Variants in BAZ2B observed in about 807,000 individuals in gnomAD.
The protein encoded by BAZ2B is bromodomain adjacent to zinc finger domain 2B, also known as bromodomain adjacent to zinc finger domain protein 2B.
Under a neutral mutation model 246.0 loss-of-function variants are expected in BAZ2B, and 91 were observed. The ratio of observed to expected loss-of-function variants is 0.37; its 90% CI spans 0.31 to 0.44. The LOEUF (loss-of-function observed/expected upper bound fraction) is 0.44. Among genes scored for constraint, BAZ2B ranks in the 20% least tolerant of loss-of-function variants. The probability of loss-of-function intolerance (pLI) is 1.00; values close to 1 mark genes in which losing one functional copy is unlikely to be tolerated. For missense variants in BAZ2B, 2,332 were observed against 2,533.7 expected (o/e 0.92, Z 1.71); for synonymous variants, 855 against 860.0 (o/e 0.99, Z 0.10).
rs954399141 is a variant in BAZ2B at position 159,429,110 on chromosome 2, A to G, written c.2255+90T>C. 5.8e-6 allele frequency: 5 copies of G among 862,760 alleles called. No individual in the cohort carries two copies. The Admixed American group carries it at 7.8e-5, about 13-fold the overall frequency. The allele number at this position is 862,760 out of a possible 1,614,324, so 53.4% of individuals were successfully genotyped here. A position where few individuals can be genotyped will look rare whatever the true frequency, so the allele number is the denominator to read the frequency against. On this transcript the variant is annotated intron_variant, in intron 11 of 36. Transcript: ENST00000392783. ...TACTATGCAGCTATGTACTTCTTCT[A>G]TTAATTGTAGAGAATGAGAAATCAA...
intron 27 of BAZ2B, among the ~76,000 whole-genome samples, chr2:159,354,648 G>C (rs2058905756): frequency 6.6e-6 from 1 of 152,116 alleles, no homozygotes; most frequent in Non-Finnish European, 1.5e-5. Context: ...ACCGCCTCTG[G>C]CTGTAAAATT....
chr2:159,574,306 T>C (rs1684762513), intron 1 of BAZ2B, among the ~76,000 whole-genome samples: 1 of 144,350 alleles, frequency 6.9e-6, no homozygotes, highest in African/African-American at 2.5e-5. Flanking sequence ...AACCACGAGA[T>C]GGCACTTCAC....
At chr2:159,407,733 T>G (rs2066185344) in intron 14 of BAZ2B, among the ~76,000 whole-genome samples, 1 of 152,130 alleles carries the variant, frequency 6.6e-6, no homozygotes. Flanking sequence ...AAGTATTATC[T>G]CCAATGTCCC....
intron 1 of BAZ2B, among the ~76,000 whole-genome samples, chr2:159,599,509 T>C (rs1691564176): frequency 6.6e-6 from 1 of 151,806 alleles, no homozygotes; most frequent in South Asian, 2.1e-4. Flanking sequence ...TCCCAGCTAC[T>C]CAGGAGGCTG....
chr2:159,479,918 G>A (rs2079052478), intron 2 of BAZ2B, among the ~76,000 whole-genome samples: 1 of 152,088 alleles, frequency 6.6e-6, no homozygotes, highest in East Asian at 1.9e-4. Flanking sequence ...TGACAGTACT[G>A]CTATGATGAG....
the BAZ2B span, among the ~76,000 whole-genome samples, chr2:159,692,076 T>C: frequency 1.3e-5 from 2 of 152,252 alleles, no homozygotes; most frequent in South Asian, 4.1e-4. Flanking sequence ...GATTTGTGTA[T>C]ATTTTATGGT....
Position 159,347,662 on chromosome 2 carries a change from A to C in BAZ2B, c.5294-16T>G. On this transcript the variant is annotated splice_polypyrimidine_tract_variant and intron_variant, in intron 30 of 36. Coordinates refer to ENST00000392783, the MANE Select transcript of BAZ2B (RefSeq NM_013450.4). The stretch of plus-strand genomic sequence containing the variant: ...ATAATAGCAACTACATTTAAAAAGA[A>C]ATTAATTTAAAAATCCACTTATTAA... The C allele has an allele frequency of 6.4e-7, 1 of 1,569,640 alleles. No individual in the cohort carries two copies. The highest frequency in any genetic ancestry group is 8.7e-7 in the Non-Finnish European group (1 of 1,151,040).
intron 31 of BAZ2B, among the ~76,000 whole-genome samples, chr2:159,342,543 C>T (rs1349434674): frequency 6.6e-6 from 1 of 152,190 alleles, no homozygotes; most frequent in Non-Finnish European, 1.5e-5. Context: ...ACCTTGGCCT[C>T]CCAAAGTTCT....
chr2:159,453,802 C>T lies in BAZ2B; in HGVS notation c.146-1G>A. The T allele has an allele frequency of 6.4e-7, 1 of 1,572,996 alleles. No individual in the cohort carries two copies. On this transcript the variant is annotated splice_acceptor_variant, in intron 3 of 36. Transcript: ENST00000392783. LOFTEE classifies it high-confidence loss of function. ...TCCCCAGCTGTTCTGAATAAATGTCCTGGGAGGGAAAAAAACACACTTAAA... is the reference window on the plus strand; with the variant it reads ...TCCCCAGCTGTTCTGAATAAATGTCTTGGGAGGGAAAAAAACACACTTAAA...
intron 1 of BAZ2B, among the ~76,000 whole-genome samples, chr2:159,588,070 T>C (rs1475896388): frequency 6.6e-6 from 1 of 152,016 alleles, no homozygotes; most frequent in Non-Finnish European, 1.5e-5. Context: ...GGCATGTGTC[T>C]GTAGTCCCAG....
the BAZ2B span, chr2:159,710,897 A>G: frequency 1.3e-5 from 2 of 152,210 alleles, no homozygotes; most frequent in Non-Finnish European, 1.5e-5. Context: ...TAAGAGACCT[A>G]TGTAATATTA....
chr2:159,350,148 C>A lies in BAZ2B; in HGVS notation c.4423G>T (p.Val1475Leu), dbSNP rs2058401456. 3 of 1,614,040 alleles carry A rather than the reference C, an allele frequency of 1.9e-6. No individual in the cohort carries two copies. The highest frequency in any genetic ancestry group is 2.2e-5 in the East Asian group (1 of 44,876). The stretch of plus-strand genomic sequence containing the variant: ...TCTGACTCAGGAGGCATCTTAGCTA[C>A]TTCCAAAAGCTTGCTTAATTTGGAA... ...SFSKLSKLLE[V>L]AKMPPESEVM... The change falls in exon 28 of 37, where the codon GTA becomes TTA. Residue 1475 changes from valine (V) to leucine (L), a missense_variant. Val to Leu is a conservative substitution (Grantham distance 32). Around this residue, in one of 9 missense-constraint regions of BAZ2B, gnomAD observed 676 missense variants for 668.6 expected, o/e 1.01. Transcript: ENST00000392783.
chr2:159,394,605 A>T (rs1045201851), intron 20 of BAZ2B, among the ~76,000 whole-genome samples: 1 of 152,140 alleles, frequency 6.6e-6, no homozygotes, highest in East Asian at 1.9e-4. Flanking sequence ...CTATGCTAAG[A>T]GGTACTCTAT....
chr2:159,651,046 G>A, the BAZ2B span, among the ~76,000 whole-genome samples: 1 of 151,140 alleles, frequency 6.6e-6, no homozygotes, highest in Non-Finnish European at 1.5e-5. Flanking sequence ...TTATTAACTA[G>A]CCTTAAAATT....
At chr2:159,690,812 C>T in the BAZ2B span, among the ~76,000 whole-genome samples, 1 of 152,150 alleles carries the variant, frequency 6.6e-6, no homozygotes, top group Non-Finnish European at 1.5e-5. Context: ...TCCAGATATA[C>T]TATCATATCA....
At position 159,488,362 on chromosome 2, in the gene BAZ2B, C is replaced by T. The variant is rs190455211; in HGVS notation, c.-2-9641G>A. On this transcript the variant is annotated intron_variant, in intron 2 of 36. Coordinates refer to ENST00000392783, the MANE Select transcript of BAZ2B (RefSeq NM_013450.4). ...TGCTGGGATTACAGGTGTTAGCTAC[C>T]GCACCCACCAATAATTGGATTGCTT... 5.5e-4 allele frequency among the ~76,000 whole-genome samples: 84 copies of T among 152,174 alleles called. 1 individual carries two copies. Among genetic ancestry groups the T allele is most frequent in the Non-Finnish European group, 2.6e-4 (18 of 67,988 alleles).
intron 16 of BAZ2B, 57 bp from the exon 17 acceptor site, chr2:159,400,721 T>A: frequency 2.9e-6 from 3 of 1,023,584 alleles, no homozygotes; most frequent in South Asian, 2.8e-5. Context: ...GAGTAAAGAG[T>A]ATTTGAGTGG....
At chr2:159,384,688 GATAA>G (rs1407108960) in intron 23 of BAZ2B, among the ~76,000 whole-genome samples, 3 of 151,706 alleles carry the variant, frequency 2.0e-5, no homozygotes, top group African/African-American at 7.3e-5. Flanking sequence ...TTAATACACT[GATAA>G]ATAAATACTC....
chr2:159,483,613 C>G (rs1461284989), intron 2 of BAZ2B, among the ~76,000 whole-genome samples: 1 of 152,036 alleles, frequency 6.6e-6, no homozygotes, highest in Non-Finnish European at 1.5e-5. Context: ...CCTGTCTCTA[C>G]TAAAAATACA....
Sources: allele counts gnomAD v4.1 joint callset (sites outside exome capture counted in the v4.1 genomes callset), GRCh38; gene constraint gnomAD v4.1.1; regional missense constraint gnomAD v4.1.1; transcripts MANE v1.5; gene names NCBI Gene and HGNC (gene_info 2026-07-23, HGNC 2026-07-21).